The following ZBTB20 variants were observed in gnomAD, a reference collection of about 807,000 sequenced individuals.
The protein encoded by ZBTB20 is zinc finger and BTB domain-containing protein 20.
Under a neutral mutation model 56.9 loss-of-function variants are expected in ZBTB20, and 9 were observed. That is an observed-to-expected ratio of 0.16 (90% confidence interval 0.10 to 0.28). The LOEUF (loss-of-function observed/expected upper bound fraction) is 0.28. ZBTB20 is among the 10% of genes least tolerant of loss of function. ZBTB20 has a pLI of 1.00. For missense variants in ZBTB20, 655 were observed against 1,003.0 expected (o/e 0.65, Z 4.69); for synonymous variants, 417 against 420.7 (o/e 0.99, Z 0.11).
intron 6 of ZBTB20, among the ~76,000 whole-genome samples, chr3:114,651,142 A>G (rs561090003): frequency 6.6e-6 from 1 of 152,212 alleles, no homozygotes; most frequent in South Asian, 2.1e-4. Flanking sequence ...AAGAAAGGAA[A>G]TAACTCAGCC....
At chr3:114,463,303 C>T (rs867564717) in intron 7 of ZBTB20, among the ~76,000 whole-genome samples, 98 of 152,230 alleles carry the variant, frequency 6.4e-4, no homozygotes, top group African/African-American at 2.0e-3. Context: ...ATATTGGGTA[C>T]GGTAGCTTGA....
At chr3:114,680,786 T>C (rs1160883437) in intron 6 of ZBTB20, among the ~76,000 whole-genome samples, 1 of 152,122 alleles carries the variant, frequency 6.6e-6, no homozygotes, top group Admixed American at 6.6e-5. Flanking sequence ...ATCTGCAGGG[T>C]ACAGATCATG....
intron 6 of ZBTB20, among the ~76,000 whole-genome samples, chr3:114,582,430 G>A (rs893999318): frequency 2.0e-5 from 3 of 151,040 alleles, no homozygotes; most frequent in Non-Finnish European, 4.4e-5. Context: ...TGTCCACCAG[G>A]CTGGAGTGCA....
At chr3:115,004,934 AT>A (rs1327283164) in intron 2 of ZBTB20, among the ~76,000 whole-genome samples, 1 of 151,688 alleles carries the variant, frequency 6.6e-6, no homozygotes, top group Admixed American at 6.6e-5. Flanking sequence ...TTATTTACTT[AT>A]CCCCCTTCAA....
At chr3:114,835,325 G>A (rs1177879365) in intron 4 of ZBTB20, among the ~76,000 whole-genome samples, 6 of 151,868 alleles carry the variant, frequency 4.0e-5, no homozygotes, top group Non-Finnish European at 8.8e-5. Context: ...TATAGATTTG[G>A]ATTTTTTTTT....
chr3:114,333,259 T>G lies in ZBTB20; in HGVS notation c.*5746A>C, dbSNP rs2079328687. The G allele has an allele frequency of 6.6e-6, 1 of 152,202 alleles. No homozygotes were observed. Among genetic ancestry groups the G allele is most frequent in the African/African-American group, 2.4e-5 (1 of 41,450 alleles). 9.4% of individuals were successfully genotyped at this position (152,202 alleles called of 1,614,324 possible). A position where few individuals can be genotyped will look rare whatever the true frequency, so the allele number is the denominator to read the frequency against. On this transcript the variant is annotated 3_prime_UTR_variant, in exon 12 of 12. Transcript: ENST00000675478. ...TTTAAGTGATATCAGAAATAGCAAC[T>G]CTACACGGAAAGCCCTTGGGAATAT... is the stretch of plus-strand genomic sequence containing the variant.
At chr3:114,782,293 A>T (rs2070162421) in intron 5 of ZBTB20, among the ~76,000 whole-genome samples, 1 of 152,194 alleles carries the variant, frequency 6.6e-6, no homozygotes, top group African/African-American at 2.4e-5. Flanking sequence ...GCTCAGTGGC[A>T]TATTTCTGGA....
chr3:114,938,822 T>TA lies in ZBTB20; in HGVS notation c.-456+35543dup, dbSNP rs1215640156. On this transcript the variant is annotated intron_variant, in intron 3 of 11. Transcript: ENST00000675478. Reference sequence around the variant, plus strand: ...CATATCCCAGAACTTAAAAGTATAATAAAAAAAAAATTCTAGAAAAAGAAG... The same window carrying TA: ...CATATCCCAGAACTTAAAAGTATAATAAAAAAAAAAATTCTAGAAAAAGAAG... 7.5e-3 allele frequency among the ~76,000 whole-genome samples: 1,065 copies of TA among 142,878 alleles called. 204 individuals are homozygous for TA. Among genetic ancestry groups the TA allele is most frequent in the African/African-American group, 0.027 (929 of 34,362 alleles). 93.7% of individuals were successfully genotyped at this position (142,878 alleles called of 152,430 possible).
chr3:114,449,625 T>G (rs941255560), intron 7 of ZBTB20, among the ~76,000 whole-genome samples: 13 of 150,098 alleles, frequency 8.7e-5, no homozygotes, highest in Non-Finnish European at 1.8e-4. Context: ...AAACTATGAC[T>G]ACTTATTAAG....
At chr3:114,773,517 G>C (rs1560233383) in intron 5 of ZBTB20, among the ~76,000 whole-genome samples, 1 of 152,102 alleles carries the variant, frequency 6.6e-6, no homozygotes, top group Non-Finnish European at 1.5e-5. Flanking sequence ...AATACCTCGA[G>C]ACTAAAGGAA....
chr3:114,701,428 G>A (rs1358578033), intron 5 of ZBTB20, among the ~76,000 whole-genome samples: 1 of 152,118 alleles, frequency 6.6e-6, no homozygotes, highest in Non-Finnish European at 1.5e-5. Context: ...GTGCCACCAT[G>A]ATGTAGAGGG....
Position 114,990,800 on chromosome 3 carries a change from T to A in ZBTB20, c.-506-16384A>T, listed in dbSNP as rs189486772. Among the ~76,000 whole-genome samples, 355 of 152,298 alleles carry A rather than the reference T, an allele frequency of 2.3e-3. 2 individuals are homozygous for A. The highest frequency in any genetic ancestry group is 8.4e-3 in the African/African-American group (349 of 41,580). The stretch of plus-strand genomic sequence containing the variant: ...ATTTCAGAGCGTGTTATTGGTCTAT[T>A]CACGGATTTAACTTCTTCCTAGTTT... On this transcript the variant is annotated intron_variant, in intron 2 of 11. Coordinates refer to ENST00000675478, the MANE Select transcript of ZBTB20 (RefSeq NM_001348800.3).
chr3:114,393,669 A>T (rs1220360800), intron 7 of ZBTB20, among the ~76,000 whole-genome samples: 1 of 152,202 alleles, frequency 6.6e-6, no homozygotes, highest in African/African-American at 2.4e-5. Context: ...TTCTCTTTTA[A>T]TGACTTTCAT....
intron 5 of ZBTB20, among the ~76,000 whole-genome samples, chr3:114,733,914 C>CA (rs2065941566): frequency 6.6e-6 from 1 of 151,878 alleles, no homozygotes; most frequent in Non-Finnish European, 1.5e-5. Context: ...GGAAACAAAC[C>CA]AAAACAAAAA....
chr3:114,988,486 A>C (rs1173131911), intron 2 of ZBTB20, among the ~76,000 whole-genome samples: 1 of 151,836 alleles, frequency 6.6e-6, no homozygotes, highest in African/African-American at 2.4e-5. Flanking sequence ...ACATTTTCTT[A>C]ATCCAGTCTA....
At chr3:114,446,540 T>G (rs1469209579) in intron 7 of ZBTB20, among the ~76,000 whole-genome samples, 1 of 152,198 alleles carries the variant, frequency 6.6e-6, no homozygotes, top group Non-Finnish European at 1.5e-5. Context: ...TCAGATTTTC[T>G]GCTTTACAAA....
chr3:114,728,324 A>G (rs2065459537), intron 5 of ZBTB20, among the ~76,000 whole-genome samples: 1 of 152,238 alleles, frequency 6.6e-6, no homozygotes, highest in Admixed American at 6.5e-5. Context: ...AAGTAGAGAA[A>G]GTATTAATAG....
At chr3:114,361,427 GAC>G (rs1442235655) in intron 10 of ZBTB20, among the ~76,000 whole-genome samples, 1 of 152,134 alleles carries the variant, frequency 6.6e-6, no homozygotes, top group African/African-American at 2.4e-5. Context: ...AATAAACTAA[GAC>G]ATTCATTTTT....
At chr3:115,116,356 C>T (rs576343740) in intron 1 of ZBTB20, among the ~76,000 whole-genome samples, 1 of 152,008 alleles carries the variant, frequency 6.6e-6, no homozygotes, top group African/African-American at 2.4e-5. Context: ...TCCTCTCAAA[C>T]CCTAACGCAT....
Sources: gnomAD v4.1 joint callset for allele counts (sites outside exome capture counted in the v4.1 genomes callset) on GRCh38, gnomAD v4.1.1 for gene constraint, MANE v1.5 for transcripts, NCBI Gene and HGNC (gene_info 2026-07-23, HGNC 2026-07-21) for gene names.